RGS7: variants seen among roughly 807,000 people sequenced by gnomAD.
RGS7 encodes the protein regulator of G protein signaling 7.
A neutral mutation model predicts 81.1 loss-of-function variants in RGS7; 27 were observed. The observed-to-expected ratio is 0.33, with a 90% CI of 0.25 to 0.46. RGS7 has a LOEUF of 0.46. RGS7 is among the 20% of genes least tolerant of loss of function. The probability of loss-of-function intolerance (pLI) is 1.00; values close to 1 mark genes in which losing one functional copy is unlikely to be tolerated. For missense variants in RGS7, 396 were observed against 607.4 expected, an observed-to-expected ratio of 0.65 and a Z score of 3.66; for synonymous variants, 208 against 207.7, an observed-to-expected ratio of 1.00 and a Z score of -0.01.
intron 3 of RGS7, among the ~76,000 whole-genome samples, chr1:241,057,034 A>C (rs1167227873): frequency 6.7e-6 from 1 of 150,194 alleles, no homozygotes; most frequent in Non-Finnish European, 1.5e-5. Context: ...CTATTTATTC[A>C]TGGTAATTTA....
chr1:240,960,262 G>GTTGT (rs372618052), intron 4 of RGS7, among the ~76,000 whole-genome samples: 1,027 of 38,680 alleles, frequency 0.027, 4 homozygotes, highest in Middle Eastern at 0.062. Flanking sequence ...GGTTTTTTTT[G>GTTGT]AGACAGGGTC....
intron 9 of RGS7, among the ~76,000 whole-genome samples, chr1:240,861,610 A>T (rs575598055): frequency 5.9e-5 from 9 of 152,318 alleles, no homozygotes; most frequent in African/African-American, 2.2e-4. Flanking sequence ...GTAGTCATAC[A>T]GAACCCAATG....
intron 7 of RGS7, 101 bp downstream of exon 7, chr1:240,869,954 A>G (rs969614390): frequency 2.7e-5 from 27 of 1,008,952 alleles, no homozygotes; most frequent in Middle Eastern, 4.1e-4. Flanking sequence ...AAAAAGAAAA[A>G]GATCCATGAA....
chr1:241,322,858 G>A, intron 2 of RGS7, among the ~76,000 whole-genome samples: 1 of 152,080 alleles, frequency 6.6e-6, no homozygotes, highest in East Asian at 1.9e-4. Context: ...TACAGGTACT[G>A]TAATTCATGA....
intron 3 of RGS7, among the ~76,000 whole-genome samples, chr1:241,019,700 T>C (rs1019986888): frequency 6.6e-6 from 1 of 152,254 alleles, no homozygotes; most frequent in African/African-American, 2.4e-5. Context: ...CCTTGTTTTA[T>C]GGCTGCATAC....
chr1:240,991,806 G>A (rs567036296), intron 3 of RGS7, among the ~76,000 whole-genome samples: 21 of 152,194 alleles, frequency 1.4e-4, no homozygotes, highest in East Asian at 3.9e-4. Flanking sequence ...TTTATTAATC[G>A]ATTAATCAAT....
chr1:240,819,868 T>A (rs564854998), intron 10 of RGS7, among the ~76,000 whole-genome samples: 1 of 152,372 alleles, frequency 6.6e-6, no homozygotes, highest in East Asian at 1.9e-4. Flanking sequence ...TTTCCATTTC[T>A]TGTCTTACGT....
intron 15 of RGS7, among the ~76,000 whole-genome samples, chr1:240,803,617 C>A (rs150333232): frequency 1.7e-4 from 26 of 151,690 alleles, no homozygotes; most frequent in African/African-American, 5.3e-4. Context: ...TCATTTGCCC[C>A]TAAGAAGTTT....
At chr1:241,030,846 A>C (rs1247565004) in intron 3 of RGS7, among the ~76,000 whole-genome samples, 3 of 152,158 alleles carry the variant, frequency 2.0e-5, no homozygotes, top group Non-Finnish European at 4.4e-5. Context: ...CTGACAGTCC[A>C]AGGCTGTGAT....
intron 2 of RGS7, among the ~76,000 whole-genome samples, chr1:241,285,242 G>A (rs771949671): frequency 6.6e-6 from 1 of 152,030 alleles, no homozygotes; most frequent in Non-Finnish European, 1.5e-5. Flanking sequence ...TTGGGGACTT[G>A]TCTTGTCTGT....
intron 2 of RGS7, among the ~76,000 whole-genome samples, chr1:241,284,259 C>T (rs2078676398): frequency 6.6e-6 from 1 of 152,054 alleles, no homozygotes; most frequent in Admixed American, 6.6e-5. Context: ...CTTATTTGAA[C>T]CTTATGTATT....
At chr1:240,960,954 T>C (rs1572008557) in intron 4 of RGS7, among the ~76,000 whole-genome samples, 1 of 152,152 alleles carries the variant, frequency 6.6e-6, no homozygotes, top group East Asian at 1.9e-4. Flanking sequence ...TATAGGTAAG[T>C]TGGATACCAG....
At chr1:241,316,623 T>C (rs1047852040) in intron 2 of RGS7, among the ~76,000 whole-genome samples, 1 of 152,196 alleles carries the variant, frequency 6.6e-6, no homozygotes, top group African/African-American at 2.4e-5. Flanking sequence ...TTGGTCCTGG[T>C]GTATGATCCT....
At chr1:241,047,232 T>C (rs1458539850) in intron 3 of RGS7, among the ~76,000 whole-genome samples, 5 of 152,208 alleles carry the variant, frequency 3.3e-5, no homozygotes, top group Non-Finnish European at 7.3e-5. Context: ...GTGACTAAAA[T>C]GGGCTATTTC....
intron 6 of RGS7, among the ~76,000 whole-genome samples, chr1:240,909,997 C>A (rs552327791): frequency 3.7e-4 from 57 of 152,202 alleles, no homozygotes; most frequent in African/African-American, 1.2e-3. Context: ...GTGCAGCAGA[C>A]GTGCTCTTCT....
At chr1:241,287,978 T>C (rs1007188815) in intron 2 of RGS7, among the ~76,000 whole-genome samples, 4 of 152,234 alleles carry the variant, frequency 2.6e-5, no homozygotes, top group African/African-American at 9.6e-5. Flanking sequence ...CCTTGGGCTC[T>C]GCCACAAAGT....
At chr1:241,187,267 G>A (rs2072206726) in intron 2 of RGS7, among the ~76,000 whole-genome samples, 1 of 152,072 alleles carries the variant, frequency 6.6e-6, no homozygotes, top group African/African-American at 2.4e-5. Flanking sequence ...TGGAAATCAA[G>A]CATTTTACTC....
intron 2 of RGS7, among the ~76,000 whole-genome samples, chr1:241,252,650 T>A (rs904731910): frequency 6.6e-6 from 1 of 152,142 alleles, no homozygotes; most frequent in Non-Finnish European, 1.5e-5. Context: ...CTTGAGACCA[T>A]CCTCAGGTCT....
intron 2 of RGS7, among the ~76,000 whole-genome samples, chr1:241,307,909 A>G (rs1050414039): frequency 6.6e-6 from 1 of 152,222 alleles, no homozygotes; most frequent in African/African-American, 2.4e-5. Context: ...GTACAGAAAT[A>G]GAAGACAATA....
Sources: gnomAD v4.1 joint callset for allele counts (sites outside exome capture counted in the v4.1 genomes callset) on GRCh38, gnomAD v4.1.1 for gene constraint, MANE v1.5 for transcripts, NCBI Gene and HGNC (gene_info 2026-07-23, HGNC 2026-07-21) for gene names.